Variants in CCDC13 observed in about 807,000 individuals in gnomAD.
CCDC13 encodes coiled-coil domain-containing protein 13.
A neutral mutation model predicts 87.3 loss-of-function variants in CCDC13; 70 were observed. That is an observed-to-expected ratio of 0.80 (90% CI 0.66 to 0.98). The LOEUF (loss-of-function observed/expected upper bound fraction) is 0.98. Ranked by LOEUF, CCDC13 falls within the 50% of genes least tolerant of loss-of-function variation. The pLI is 0.00. For synonymous variants in CCDC13, 317 were observed against 360.3 expected, an observed-to-expected ratio of 0.88 and a Z score of 1.36; for missense variants, 842 against 892.0, an observed-to-expected ratio of 0.94 and a Z score of 0.71.
intron 13 of CCDC13, among the ~76,000 whole-genome samples, chr3:42,715,860 C>T (rs943364421): frequency 3.3e-5 from 5 of 152,272 alleles, no homozygotes; most frequent in Middle Eastern, 3.4e-3. Context: ...CCTTCCACCA[C>T]GGGATGCGGC....
At chr3:42,723,615 G>A (rs75820274) in intron 13 of CCDC13, among the ~76,000 whole-genome samples, 4,067 of 152,192 alleles carry the variant, frequency 0.027, 169 homozygotes, top group African/African-American at 0.09. Flanking sequence ...ATAGTTCCAA[G>A]AACACTAGAG....
chr3:42,716,933 A>G (rs941929442), intron 13 of CCDC13, among the ~76,000 whole-genome samples: 8 of 152,262 alleles, frequency 5.3e-5, no homozygotes, highest in Non-Finnish European at 1.2e-4. Context: ...GTCCATCAAC[A>G]GATGAATAGA....
intron 7 of CCDC13, 21 bp from the exon 8 acceptor site, chr3:42,743,078 C>T (rs367965232): frequency 1.1e-4 from 177 of 1,613,144 alleles, no homozygotes; most frequent in South Asian, 7.8e-4. Context: ...TAAAACTCGT[C>T]GTTCCACAAT....
At chr3:42,717,424 C>A (rs1312596868) in intron 13 of CCDC13, among the ~76,000 whole-genome samples, 147 of 125,708 alleles carry the variant, frequency 1.2e-3, no homozygotes, top group East Asian at 1.1e-3. Flanking sequence ...GAATCCATCT[C>A]AAAAAAAAAA....
intron 4 of CCDC13, 28 bp downstream of exon 4, chr3:42,752,547 C>T (rs199509380): frequency 2.5e-4 from 397 of 1,613,630 alleles, no homozygotes; most frequent in Non-Finnish European, 3.2e-4. Flanking sequence ...GAGTCCCCTC[C>T]AGAGGGAGAA....
At chr3:42,771,997 C>T (rs909601616) in intron 1 of CCDC13, among the ~76,000 whole-genome samples, 4 of 151,894 alleles carry the variant, frequency 2.6e-5, no homozygotes, top group Non-Finnish European at 4.4e-5. Context: ...CTAAGCCGGG[C>T]GTGGTGGCTC....
Position 42,709,069 on chromosome 3 carries a change from C to T in CCDC13, c.2059G>A (p.Glu687Lys). The T allele has an allele frequency of 6.2e-7, 1 of 1,614,028 alleles. No individual in the cohort carries two copies. The highest frequency in any genetic ancestry group is 8.5e-7 in the Non-Finnish European group (1 of 1,179,920). The change falls in exon 16 of 16, where the codon GAG (glutamate) becomes AAG (lysine). Residue 687 changes from glutamate to lysine, a missense_variant. By Grantham distance (56) the Glu-to-Lys change is moderately conservative. Transcript: ENST00000310232. ...ATCTCATGGTACATCCGGAAGTCCT[C>T]CTCCTTTCCCCGCAGGGCACTGCCC... ...ALGSALRGKE[E>K]DFRMYHEILG...
chr3:42,772,283 A>T (rs1302694515), intron 1 of CCDC13, among the ~76,000 whole-genome samples: 3 of 34,202 alleles, frequency 8.8e-5, no homozygotes, highest in Admixed American at 4.3e-4. Context: ...AAAAAAAAAA[A>T]AAAAAAAGTA....
At chr3:42,762,218 G>A (rs933650581) in intron 1 of CCDC13, among the ~76,000 whole-genome samples, 3 of 152,228 alleles carry the variant, frequency 2.0e-5, no homozygotes, top group Non-Finnish European at 4.4e-5. Flanking sequence ...GCAGAAGCTG[G>A]TGTTATGTTG....
chr3:42,713,373 C>A, intron 13 of CCDC13, 57 bp from the exon 14 acceptor site: 1 of 1,586,874 alleles, frequency 6.3e-7, no homozygotes, highest in Non-Finnish European at 8.6e-7. Flanking sequence ...GCAGGCCCTA[C>A]CCCACTTGCT....
At chr3:42,726,660 T>C (rs907268319) in intron 13 of CCDC13, among the ~76,000 whole-genome samples, 2 of 152,074 alleles carry the variant, frequency 1.3e-5, no homozygotes, top group Admixed American at 6.6e-5. Flanking sequence ...CATATTTACA[T>C]ATATTTACAT....
chr3:42,744,601 C>G (rs1458824149), intron 7 of CCDC13, among the ~76,000 whole-genome samples: 1 of 151,612 alleles, frequency 6.6e-6, no homozygotes, highest in Non-Finnish European at 1.5e-5. Flanking sequence ...GTCAGGAGAT[C>G]GAGACCATCC....
At chr3:42,765,282 C>T (rs1357485144) in intron 1 of CCDC13, among the ~76,000 whole-genome samples, 1 of 152,174 alleles carries the variant, frequency 6.6e-6, no homozygotes. Flanking sequence ...GACAGTAATG[C>T]CTGCACTGAG....
intron 1 of CCDC13, among the ~76,000 whole-genome samples, chr3:42,766,417 C>T (rs932869234): frequency 6.6e-6 from 1 of 151,940 alleles, no homozygotes; most frequent in Admixed American, 6.6e-5. Flanking sequence ...AACAGCCTGA[C>T]GGGTTCATCT....
At chr3:42,769,146 G>T (rs184301148) in intron 1 of CCDC13, among the ~76,000 whole-genome samples, 5 of 151,056 alleles carry the variant, frequency 3.3e-5, no homozygotes, top group African/African-American at 1.2e-4. Context: ...TTCAAAAAAA[G>T]AAAAAAAAGA....
intron 10 of CCDC13, 31 bp downstream of exon 10, chr3:42,735,676 T>C (rs778485573): frequency 4.8e-5 from 77 of 1,604,880 alleles, no homozygotes; most frequent in Non-Finnish European, 6.5e-5. Context: ...GGCTTGAAAA[T>C]GGGTTTGGGC....
At chr3:42,733,447 C>G (rs1168998428) in intron 11 of CCDC13, 23 bp downstream of exon 11, 1 of 1,613,164 alleles carries the variant, frequency 6.2e-7, no homozygotes, top group Non-Finnish European at 8.5e-7. Flanking sequence ...CTTTCCAACC[C>G]CTCCCTCCCA....
At chr3:42,745,814 G>A in intron 7 of CCDC13, 109 bp downstream of exon 7, 3 of 746,500 alleles carry the variant, frequency 4.0e-6, no homozygotes, top group South Asian at 1.8e-5. Context: ...AGACCTAAAG[G>A]CCTTTTTTGG....
intron 1 of CCDC13, among the ~76,000 whole-genome samples, chr3:42,768,714 C>A (rs1056330738): frequency 1.3e-5 from 2 of 151,248 alleles, no homozygotes; most frequent in East Asian, 3.9e-4. Flanking sequence ...AAATAAAAAA[C>A]AAGAAAATGA....
Sources: allele counts gnomAD v4.1 joint callset (sites outside exome capture counted in the v4.1 genomes callset), GRCh38; gene constraint gnomAD v4.1.1; transcripts MANE v1.5; gene names NCBI Gene and HGNC (gene_info 2026-07-23, HGNC 2026-07-21).